Variants in DAB1 observed in about 807,000 individuals in gnomAD.
The protein encoded by DAB1 is disabled homolog 1.
Under a neutral mutation model 64.6 loss-of-function variants are expected in DAB1, and 15 were observed. That is an observed-to-expected ratio of 0.23 (90% confidence interval 0.16 to 0.36). DAB1 has a LOEUF of 0.36. Ranked by LOEUF, DAB1 falls within the 10% of genes least tolerant of loss-of-function variation. DAB1 has a pLI of 1.00. For synonymous variants in DAB1, 235 were observed against 251.9 expected, an observed-to-expected ratio of 0.93 and a Z score of 0.64; for missense variants, 596 against 706.7, an observed-to-expected ratio of 0.84 and a Z score of 1.78.
At chr1:57,418,737 T>C (rs1016005055) in intron 1 of DAB1, among the ~76,000 whole-genome samples, 1 of 152,176 alleles carries the variant, frequency 6.6e-6, no homozygotes, top group African/African-American at 2.4e-5. Context: ...TGGTTATATG[T>C]CAGCTTCAAA....
intron 5 of DAB1, among the ~76,000 whole-genome samples, chr1:58,086,209 C>T (rs1012466434): frequency 6.6e-6 from 1 of 151,736 alleles, no homozygotes; most frequent in Admixed American, 6.6e-5. Context: ...GTGATCCGCC[C>T]GCCTCGGCCT....
chr1:57,146,173 T>G (rs541546096), intron 2 of DAB1, among the ~76,000 whole-genome samples: 3 of 152,370 alleles, frequency 2.0e-5, no homozygotes, highest in Admixed American at 2.0e-4. Flanking sequence ...TGCCAGATGT[T>G]CTGTAAACTT....
chr1:57,511,864 C>T (rs578259819), intron 7 of DAB1, among the ~76,000 whole-genome samples: 1 of 152,274 alleles, frequency 6.6e-6, no homozygotes, highest in South Asian at 2.1e-4. Flanking sequence ...ACAGCAAATC[C>T]CGTGAGTTGC....
chr1:57,519,831 T>C (rs1286223351), intron 7 of DAB1, among the ~76,000 whole-genome samples: 1 of 152,206 alleles, frequency 6.6e-6, no homozygotes, highest in Non-Finnish European at 1.5e-5. Context: ...CTAAGGGAAT[T>C]GCTTTTTTAA....
At chr1:58,534,869 G>C (rs954750319) in intron 1 of DAB1, among the ~76,000 whole-genome samples, 2 of 152,216 alleles carry the variant, frequency 1.3e-5, no homozygotes, top group Non-Finnish European at 2.9e-5. Context: ...CTAGGAGGTG[G>C]AGGTTGCAGT....
At chr1:57,061,723 G>T (rs1314313749) in intron 9 of DAB1, among the ~76,000 whole-genome samples, 2 of 152,134 alleles carry the variant, frequency 1.3e-5, no homozygotes, top group East Asian at 3.9e-4. Context: ...ACATTTCTGT[G>T]TCCTTCAGCT....
chr1:58,118,852 T>C (rs1340756146), intron 5 of DAB1, among the ~76,000 whole-genome samples: 2 of 151,686 alleles, frequency 1.3e-5, no homozygotes, highest in Non-Finnish European at 2.9e-5. Flanking sequence ...CCAGAACCCA[T>C]GCTCATAACC....
At position 58,323,259 on chromosome 1, in the gene DAB1, AT is replaced by A. The variant is rs1662736241; in HGVS notation, n.309+20092del. ...TATAATAATAATAATAATAATAATA[AT>A]AATAATAAAATATTCATCACTCTCC... On this transcript the variant is annotated intron_variant and non_coding_transcript_variant, in intron 4 of 20. Coordinates refer to the DAB1 transcript ENST00000485760. Among the ~76,000 whole-genome samples the A allele has an allele frequency of 1.5e-4, 22 of 150,838 alleles. No homozygotes were observed. In the South Asian group the frequency reaches 4.6e-3, roughly 32 times the overall value.
At chr1:57,314,653 C>T (rs960318126) in intron 1 of DAB1, among the ~76,000 whole-genome samples, 24 of 151,870 alleles carry the variant, frequency 1.6e-4, no homozygotes, top group African/African-American at 5.8e-4. Flanking sequence ...CCTGGTGGGG[C>T]ACACCTGTGG....
intron 5 of DAB1, among the ~76,000 whole-genome samples, chr1:58,034,144 G>T (rs1175988222): frequency 6.6e-6 from 1 of 152,164 alleles, no homozygotes; most frequent in Non-Finnish European, 1.5e-5. Context: ...CTTCTGTTTC[G>T]CTAGCAGTCA....
At chr1:57,949,837 T>C (rs992828333) in intron 5 of DAB1, among the ~76,000 whole-genome samples, 1 of 152,164 alleles carries the variant, frequency 6.6e-6, no homozygotes, top group South Asian at 2.1e-4. Context: ...AAAAATAAAC[T>C]AGTGTTTGAG....
At chr1:57,824,436 T>C (rs1307078257), downstream of DAB1, among the ~76,000 whole-genome samples, 8 of 152,126 alleles carry the variant, frequency 5.3e-5, no homozygotes, top group African/African-American at 1.7e-4. Context: ...TCTTCCAGGG[T>C]GTGATTTAGA....
intron 5 of DAB1, among the ~76,000 whole-genome samples, chr1:57,954,529 T>C (rs978668189): frequency 6.6e-6 from 1 of 151,878 alleles, no homozygotes; most frequent in African/African-American, 2.4e-5. Flanking sequence ...AACAGAACCA[T>C]AGGAAAAAGT....
intron 4 of DAB1, among the ~76,000 whole-genome samples, chr1:58,214,377 A>C (rs1472536073): frequency 1.2e-4 from 19 of 152,172 alleles, no homozygotes; most frequent in Non-Finnish European, 2.9e-5. Flanking sequence ...CTTAAACCTG[A>C]AGGAATATCA....
intron 3 of DAB1, among the ~76,000 whole-genome samples, chr1:58,497,488 A>G (rs1645822778): frequency 6.6e-6 from 1 of 152,184 alleles, no homozygotes; most frequent in Admixed American, 6.6e-5. Context: ...AGTTCAGGAC[A>G]TATCATTCCA....
chr1:57,129,167 A>T (rs753717393), intron 4 of DAB1, among the ~76,000 whole-genome samples: 1 of 152,152 alleles, frequency 6.6e-6, no homozygotes, highest in Non-Finnish European at 1.5e-5. Flanking sequence ...GAGTTGACCA[A>T]ATCTGCTTGG....
At chr1:57,695,370 AAGAAAGAAAG>A (rs1229421667) in intron 6 of DAB1, among the ~76,000 whole-genome samples, 9 of 43,016 alleles carry the variant, frequency 2.1e-4, no homozygotes, top group African/African-American at 1.4e-4. Flanking sequence ...AGAAGAAAGA[AAGAAAGAAAG>A]AAAGAAAGAA....
intron 3 of DAB1, among the ~76,000 whole-genome samples, chr1:58,450,004 A>C (rs899152285): frequency 1.6e-4 from 25 of 152,214 alleles, no homozygotes; most frequent in Non-Finnish European, 2.9e-4. Flanking sequence ...TAAAAGAATG[A>C]GGGATATGTG....
chr1:58,188,638 C>A (rs915274415), intron 4 of DAB1, among the ~76,000 whole-genome samples: 1 of 152,148 alleles, frequency 6.6e-6, no homozygotes, highest in African/African-American at 2.4e-5. Flanking sequence ...GATAAAAGAG[C>A]CTCTTTAGTG....
Sources: gnomAD v4.1 joint callset for allele counts (sites outside exome capture counted in the v4.1 genomes callset) on GRCh38, gnomAD v4.1.1 for gene constraint, MANE v1.5 for transcripts, NCBI Gene and HGNC (gene_info 2026-07-23, HGNC 2026-07-21) for gene names.